Variants in ECPAS observed in about 807,000 individuals in gnomAD.
ECPAS encodes the protein proteasome adapter and scaffold protein ECM29.
Under a neutral mutation model 255.1 loss-of-function variants are expected in ECPAS, and 70 were observed. The ratio of observed to expected loss-of-function variants is 0.27; its 90% CI spans 0.23 to 0.33. The LOEUF (loss-of-function observed/expected upper bound fraction) is 0.33, where lower values mean the gene tolerates loss of function less well. Among genes scored for constraint, ECPAS ranks in the 10% least tolerant of loss-of-function variants. ECPAS has a pLI of 1.00. For synonymous variants in ECPAS, 784 were observed against 775.0 expected, an observed-to-expected ratio of 1.01 and a Z score of -0.19; for missense variants, 1,817 against 2,206.4, an observed-to-expected ratio of 0.82 and a Z score of 3.54.
At chr9:111,413,120 C>A (rs575581810) in intron 20 of ECPAS, among the ~76,000 whole-genome samples, 4 of 152,290 alleles carry the variant, frequency 2.6e-5, no homozygotes, top group African/African-American at 9.6e-5. Context: ...GAGGGTGTGG[C>A]ATTACCTATG....
intron 9 of ECPAS, 111 bp from the exon 10 acceptor site, chr9:111,428,272 C>CT: frequency 1.1e-6 from 1 of 943,400 alleles, no homozygotes; most frequent in Non-Finnish European, 1.5e-6. Flanking sequence ...TTCAAGATCC[C>CT]TTTACACTCT....
chr9:111,383,229 G>A lies in ECPAS; in HGVS notation c.3785C>T (p.Thr1262Met), dbSNP rs201155225. ...LLDKGMMSTV[T>M]EVRALSINTL... ...TGCACACCTGAGGGCTCGAACTTCC[G>A]TCACGGTGCTCATCATTCCTTTGTC... The change falls in exon 35 of 50, where the codon ACG (threonine) becomes ATG (methionine). Residue 1262 changes from threonine to methionine, a missense_variant. Thr to Met is a moderately conservative substitution (Grantham distance 81). Around this residue, in one of 4 missense-constraint regions of ECPAS, gnomAD observed 960 missense variants for 1,179.0 expected, o/e 0.81. Transcript: ENST00000684092. 260 of 1,613,772 alleles carry A rather than the reference G, an allele frequency of 1.6e-4. 3 individuals carry two copies. Among genetic ancestry groups the A allele is most frequent in the Admixed American group, 2.2e-4 (13 of 60,010 alleles).
At position 111,371,701 on chromosome 9, in the gene ECPAS, T is replaced by G. The variant is rs759262864; in HGVS notation, c.4657A>C (p.Ser1553Arg). 5.0e-6 allele frequency: 8 copies of G among 1,613,798 alleles called. No individual in the cohort carries two copies. In the East Asian group the frequency reaches 1.8e-4, roughly 36 times the overall value. The stretch of plus-strand genomic sequence containing the variant: ...CCGAGATATGGAGGTACTAGAGAGC[T>G]AGTCTGTTTTGCAATTGATGCCATG... ...IAMASIAKQT[S>R]SLVPPYLGMI... Residue 1553 changes from serine to arginine, a missense_variant, in exon 43 of 50, where the codon AGC becomes CGC. By Grantham distance (110) the Ser-to-Arg change is moderately radical (BLOSUM62 -1). Transcript: ENST00000684092.
intron 35 of ECPAS, among the ~76,000 whole-genome samples, chr9:111,382,289 A>C (rs2098141606): frequency 7.7e-6 from 1 of 129,502 alleles, no homozygotes; most frequent in Non-Finnish European, 1.6e-5. Context: ...TTTGAGACAG[A>C]GTTTCGTTCT....
intron 2 of ECPAS, among the ~76,000 whole-genome samples, chr9:111,452,282 C>T (rs2098261339): frequency 6.6e-6 from 1 of 152,110 alleles, no homozygotes; most frequent in African/African-American, 2.4e-5. Flanking sequence ...AAGGTCCCTA[C>T]AAAAACTGTC....
At chr9:111,457,135 G>A (rs760306712) in intron 2 of ECPAS, among the ~76,000 whole-genome samples, 20 of 152,192 alleles carry the variant, frequency 1.3e-4, no homozygotes, top group Non-Finnish European at 1.0e-4. Flanking sequence ...TTCAGCAATA[G>A]AGTTCACACC....
At chr9:111,363,555 A>G (rs2297524) in intron 49 of ECPAS, 33 bp downstream of exon 49, 852,091 of 1,298,806 alleles carry the variant, frequency 0.66, 281,722 homozygotes, top group African/African-American at 0.79. Flanking sequence ...ACATGGCTTT[A>G]TGGTCCCCCA....
chr9:111,416,210 G>T, intron 18 of ECPAS, 62 bp downstream of exon 18: 2 of 1,201,168 alleles, frequency 1.7e-6, no homozygotes, highest in South Asian at 1.2e-5. Flanking sequence ...CCCCTCTTTG[G>T]GTGTGGTGTG....
chr9:111,444,461 T>C lies in ECPAS; in HGVS notation c.187A>G (p.Ile63Val). The C allele has an allele frequency of 6.2e-7, 1 of 1,613,888 alleles. No individual in the cohort carries two copies. The highest frequency in any genetic ancestry group is 8.5e-7 in the Non-Finnish European group (1 of 1,179,776). Residue 63 changes from isoleucine (I) to valine (V), a missense_variant, in exon 4 of 50, where the codon ATA becomes GTA. Around this residue, in one of 4 missense-constraint regions of ECPAS, gnomAD observed 90 missense variants for 158.5 expected, o/e 0.57. Transcript: ENST00000684092. The stretch of plus-strand genomic sequence containing the variant: ...AGTTGTATTTTGGGGCGGCTTTTTA[T>C]ACGTTTATTCAGATGGACCAGCAGT... ...MELLVHLNKR[I>V]KSRPKIQLPV...
At chr9:111,424,944 C>A (rs774843605) in intron 12 of ECPAS, among the ~76,000 whole-genome samples, 171 of 151,926 alleles carry the variant, frequency 1.1e-3, no homozygotes, top group Middle Eastern at 6.3e-3. Context: ...CCGAGGCAGG[C>A]GGATCACCTG....
chr9:111,434,423 A>C (rs1040973962), intron 7 of ECPAS, among the ~76,000 whole-genome samples: 1 of 152,200 alleles, frequency 6.6e-6, no homozygotes, highest in African/African-American at 2.4e-5. Context: ...AAAAAGAATT[A>C]CTTTTTTAAA....
chr9:111,433,640 G>C (rs1174480325), intron 7 of ECPAS, among the ~76,000 whole-genome samples: 1 of 152,086 alleles, frequency 6.6e-6, no homozygotes, highest in East Asian at 1.9e-4. Context: ...TAAGACACTG[G>C]TAAACGACGA....
Position 111,375,179 on chromosome 9 carries a change from T to A in ECPAS, c.4044A>T (p.Ser1348=), listed in dbSNP as rs777067618. 42 of 1,613,578 alleles carry A rather than the reference T, an allele frequency of 2.6e-5. No homozygotes were observed. The highest frequency in any genetic ancestry group is 3.2e-5 in the Non-Finnish European group (38 of 1,179,700). The change falls in exon 38 of 50, where the codon TCA becomes TCT. Residue 1348 remains serine (S), a synonymous_variant. Coordinates refer to ENST00000684092, the MANE Select transcript of ECPAS (RefSeq NM_001364929.1). The part of the protein sequence containing the change: ...INMCLQYLDV[S]VLGELVPRLC... ...ACCTAGGAACTAGCTCGCCCAGCAC[T>A]GACACATCAAGGTATTGCAGGCACT...
intron 2 of ECPAS, among the ~76,000 whole-genome samples, chr9:111,465,984 G>T (rs35038820): frequency 4.0e-5 from 6 of 151,678 alleles, no homozygotes; most frequent in Non-Finnish European, 4.4e-5. Flanking sequence ...CAGTGAGCTA[G>T]ATCATGCCTC....
At chr9:111,453,209 T>C (rs2098262628) in intron 2 of ECPAS, among the ~76,000 whole-genome samples, 2 of 152,054 alleles carry the variant, frequency 1.3e-5, no homozygotes, top group Admixed American at 1.3e-4. Flanking sequence ...ATGATGCCAC[T>C]GCACTCCAGC....
intron 45 of ECPAS, 139 bp downstream of exon 45, chr9:111,370,296 C>G: frequency 1.7e-6 from 1 of 604,254 alleles, no homozygotes; most frequent in South Asian, 2.3e-5. Flanking sequence ...CATTGACTAT[C>G]TTGTTTAAGG....
chr9:111,456,306 A>AT (rs910872106), intron 2 of ECPAS, among the ~76,000 whole-genome samples: 1 of 152,222 alleles, frequency 6.6e-6, no homozygotes, highest in African/African-American at 2.4e-5. Context: ...AGACTGAAAG[A>AT]TTATATAACG....
At chr9:111,471,348 A>C (rs1035963003) in intron 2 of ECPAS, among the ~76,000 whole-genome samples, 16 of 152,236 alleles carry the variant, frequency 1.1e-4, no homozygotes, top group African/African-American at 3.6e-4. Flanking sequence ...AGATTTGTGA[A>C]AACAGCAAAA....
intron 24 of ECPAS, among the ~76,000 whole-genome samples, chr9:111,403,823 C>T (rs1215131451): frequency 1.3e-5 from 2 of 149,812 alleles, no homozygotes; most frequent in East Asian, 4.0e-4. Flanking sequence ...CTCATCAGCA[C>T]ATGGAACATT....
Sources: gnomAD v4.1 joint callset for allele counts (sites outside exome capture counted in the v4.1 genomes callset) on GRCh38, gnomAD v4.1.1 for gene constraint, gnomAD v4.1.1 regional missense constraint, MANE v1.5 for transcripts, NCBI Gene and HGNC (gene_info 2026-07-23, HGNC 2026-07-21) for gene names.